Variants in GLIS3 observed in about 807,000 individuals in gnomAD.
The protein encoded by GLIS3 is zinc finger protein GLIS3.
A neutral mutation model predicts 78.6 loss-of-function variants in GLIS3; 53 were observed. The ratio of observed to expected loss-of-function variants is 0.67; its 90% CI spans 0.54 to 0.85. GLIS3 has a LOEUF of 0.85. GLIS3 is among the 40% of genes least tolerant of loss of function. The pLI, the probability that GLIS3 is intolerant of heterozygous loss-of-function variation, is 0.00. For missense variants in GLIS3, 1,703 were observed against 1,231.1 expected, an observed-to-expected ratio of 1.38 and a Z score of -5.74; for synonymous variants, 684 against 509.9, an observed-to-expected ratio of 1.34 and a Z score of -4.60.
intron 2 of GLIS3, among the ~76,000 whole-genome samples, chr9:4,214,394 G>A (rs73400411): frequency 1.8e-4 from 27 of 152,244 alleles, no homozygotes; most frequent in African/African-American, 6.3e-4. Context: ...AACATGTGTC[G>A]GAATCAGCAG....
the GLIS3 span, among the ~76,000 whole-genome samples, chr9:4,405,415 A>T: frequency 6.6e-6 from 1 of 151,890 alleles, no homozygotes; most frequent in Non-Finnish European, 1.5e-5. Flanking sequence ...AAAGAAAGAA[A>T]TTCAAATGAT....
At chr9:3,921,738 C>T (rs952534815) in intron 6 of GLIS3, among the ~76,000 whole-genome samples, 9 of 152,088 alleles carry the variant, frequency 5.9e-5, no homozygotes, top group African/African-American at 2.2e-4. Flanking sequence ...TGACAATTAA[C>T]TAGTTAATAT....
At chr9:4,334,791 G>C (rs28558845) in intron 2 of GLIS3, among the ~76,000 whole-genome samples, 29,536 of 152,096 alleles carry the variant, frequency 0.19, 3,196 homozygotes, top group East Asian at 0.35. Flanking sequence ...GCTTGTCCAA[G>C]GCCATTTTGT....
At chr9:4,406,080 A>T in the GLIS3 span, among the ~76,000 whole-genome samples, 1 of 152,156 alleles carries the variant, frequency 6.6e-6, no homozygotes, top group Non-Finnish European at 1.5e-5. Context: ...ATAATAAAAG[A>T]CTACATAACA....
At chr9:4,220,124 T>C (rs561763629) in intron 2 of GLIS3, among the ~76,000 whole-genome samples, 2 of 152,240 alleles carry the variant, frequency 1.3e-5, no homozygotes, top group African/African-American at 4.8e-5. Flanking sequence ...ATTTTTAACA[T>C]CAAAATAACT....
chr9:4,207,857 G>T (rs1188900303), intron 2 of GLIS3, among the ~76,000 whole-genome samples: 5 of 152,200 alleles, frequency 3.3e-5, no homozygotes, highest in African/African-American at 1.2e-4. Context: ...ATCTTTTTAA[G>T]ATCACTTTTG....
chr9:3,991,490 G>C (rs892347897), intron 4 of GLIS3, among the ~76,000 whole-genome samples: 8 of 152,032 alleles, frequency 5.3e-5, no homozygotes, highest in Non-Finnish European at 1.0e-4. Flanking sequence ...AATATGCTGG[G>C]AAACTCAGAA....
At chr9:4,394,218 G>A in the GLIS3 span, among the ~76,000 whole-genome samples, 11 of 151,478 alleles carry the variant, frequency 7.3e-5, no homozygotes, top group Admixed American at 3.3e-4. Flanking sequence ...AGGATTTTTA[G>A]ATTTTCTTTT....
At chr9:4,235,519 G>C (rs917610468) in intron 2 of GLIS3, among the ~76,000 whole-genome samples, 5 of 152,102 alleles carry the variant, frequency 3.3e-5, no homozygotes, top group Admixed American at 2.6e-4. Context: ...TAGTCCTTTT[G>C]GTAAGTGCCA....
chr9:4,484,967 A>G, the GLIS3 span, among the ~76,000 whole-genome samples: 1 of 133,136 alleles, frequency 7.5e-6, no homozygotes, highest in African/African-American at 2.9e-5. Flanking sequence ...AGATAACATC[A>G]TCATTATTGT....
chr9:4,422,670 G>A, the GLIS3 span, among the ~76,000 whole-genome samples: 1 of 152,206 alleles, frequency 6.6e-6, no homozygotes, highest in Non-Finnish European at 1.5e-5. Flanking sequence ...CACACATGAG[G>A]AAATACAAAT....
chr9:4,412,854 C>T, the GLIS3 span, among the ~76,000 whole-genome samples: 51 of 152,198 alleles, frequency 3.4e-4, no homozygotes, highest in Non-Finnish European at 2.2e-4. Context: ...TATCTCTCTT[C>T]CTCCATCTGC....
chr9:3,828,457 C>G (rs202213159), intron 10 of GLIS3, 49 bp from the exon 11 acceptor site: 1 of 1,608,180 alleles, frequency 6.2e-7, no homozygotes, highest in African/African-American at 1.3e-5. Context: ...CCCCATGCCA[C>G]GCCCACTGGA....
chr9:3,832,908 C>T (rs1448417521), intron 9 of GLIS3, among the ~76,000 whole-genome samples: 1 of 152,166 alleles, frequency 6.6e-6, no homozygotes, highest in East Asian at 1.9e-4. Context: ...TAGAGACTTT[C>T]ACTGGCCTTT....
chr9:3,993,385 G>C (rs1452446313), intron 4 of GLIS3, among the ~76,000 whole-genome samples: 1 of 152,118 alleles, frequency 6.6e-6, no homozygotes, highest in Admixed American at 6.5e-5. Flanking sequence ...GTTAATATTA[G>C]TAGTATTTTA....
At chr9:4,023,710 A>C (rs2130176764) in intron 4 of GLIS3, among the ~76,000 whole-genome samples, 1 of 152,374 alleles carries the variant, frequency 6.6e-6, no homozygotes, top group Non-Finnish European at 1.5e-5. Flanking sequence ...ACAAGAGGTC[A>C]GAGACCAGCA....
the GLIS3 span, among the ~76,000 whole-genome samples, chr9:4,428,434 G>T: frequency 7.6e-6 from 1 of 132,334 alleles, no homozygotes; most frequent in African/African-American, 2.8e-5. Context: ...AGCCAACATT[G>T]TACCACTGTA....
chr9:4,379,560 G>A, the GLIS3 span, among the ~76,000 whole-genome samples: 1 of 152,156 alleles, frequency 6.6e-6, no homozygotes, highest in African/African-American at 2.4e-5. Context: ...TGAGATTTCA[G>A]GATCTGGGAG....
chr9:3,876,774 G>A (rs997151065), intron 8 of GLIS3, among the ~76,000 whole-genome samples: 1 of 148,780 alleles, frequency 6.7e-6, no homozygotes, highest in Non-Finnish European at 1.5e-5. Flanking sequence ...GGTATTCATT[G>A]TACTATTCTT....
Sources: gnomAD v4.1 joint callset for allele counts (sites outside exome capture counted in the v4.1 genomes callset) on GRCh38, gnomAD v4.1.1 for gene constraint, MANE v1.5 for transcripts, NCBI Gene and HGNC (gene_info 2026-07-23, HGNC 2026-07-21) for gene names.